EPHA6: variants seen among roughly 807,000 people sequenced by gnomAD.
The protein encoded by EPHA6 is ephrin type-A receptor 6.
A neutral mutation model predicts 112.0 loss-of-function variants in EPHA6; 50 were observed. The observed-to-expected ratio is 0.45, with a 90% CI of 0.36 to 0.56. The LOEUF is 0.56. Among genes scored for constraint, EPHA6 ranks in the 20% least tolerant of loss-of-function variants. EPHA6 has a pLI of 0.00. For missense variants in EPHA6, 1,280 were observed against 1,417.4 expected (o/e 0.90, Z 1.56); for synonymous variants, 529 against 490.7 (o/e 1.08, Z -1.03).
intron 3 of EPHA6, among the ~76,000 whole-genome samples, chr3:97,106,989 G>T (rs2047589358): frequency 1.3e-5 from 2 of 152,076 alleles, no homozygotes; most frequent in Admixed American, 1.3e-4. Context: ...GGTTACCAAA[G>T]AAACAAGTAT....
intron 5 of EPHA6, among the ~76,000 whole-genome samples, chr3:97,333,468 CTTTTTTTTTTT>C (rs869258362): frequency 1.3e-5 from 1 of 75,880 alleles, no homozygotes; most frequent in Admixed American, 1.5e-4. Flanking sequence ...TATGGCTTTT[CTTTTTTTTTTT>C]TTTTTTTTTT....
In EPHA6 at chr3:96,994,759, A is replaced by AGCGAGC. The variant is rs1553684576; in HGVS notation, c.1114+6767_1114+6768insCGAGCG. 5.2e-5 allele frequency among the ~76,000 whole-genome samples: 6 copies of AGCGAGC among 116,214 alleles called. 1 individual carries two copies. The highest frequency in any genetic ancestry group is 2.1e-4 in the African/African-American group (6 of 28,138). The allele number at this position is 116,214 out of a possible 152,430, so 76.2% of individuals were successfully genotyped here. A position where few individuals can be genotyped will look rare whatever the true frequency, so the allele number is the denominator to read the frequency against. ...GAGAGAGAGAGAGAGAGAGAGAGAGAGAGCTATATATATACCTACAGGCTG... is the reference window on the plus strand; with the variant it reads ...GAGAGAGAGAGAGAGAGAGAGAGAGAGCGAGCGAGCTATATATATACCTACAGGCTG... On this transcript the variant is annotated intron_variant, in intron 3 of 17. Transcript: ENST00000389672.
At position 97,429,096 on chromosome 3, in the gene EPHA6, AT is replaced by A. The variant is rs909888891; in HGVS notation, c.1732-19463del. 9.2e-5 allele frequency among the ~76,000 whole-genome samples: 14 copies of A among 151,630 alleles called. 1 individual carries two copies. The East Asian group carries it at 2.3e-3, about 25-fold the overall frequency. On this transcript the variant is annotated intron_variant, in intron 6 of 17. Coordinates refer to ENST00000389672, the MANE Select transcript of EPHA6 (RefSeq NM_001080448.3). The stretch of plus-strand genomic sequence containing the variant: ...AAAATCCAGACTTACACAAGCCATG[AT>A]TTTTTTTTCCATAACAACACATAAT...
intron 5 of EPHA6, among the ~76,000 whole-genome samples, chr3:97,254,814 C>G (rs184903912): frequency 1.3e-5 from 2 of 152,262 alleles, no homozygotes; most frequent in Admixed American, 1.3e-4. Context: ...TCACCTAAAA[C>G]CTTCCTGCAA....
intron 3 of EPHA6, among the ~76,000 whole-genome samples, chr3:97,110,530 A>G (rs980312555): frequency 6.6e-6 from 1 of 151,652 alleles, no homozygotes; most frequent in African/African-American, 2.4e-5. Flanking sequence ...TATATTATTT[A>G]TTTATTTATT....
chr3:97,281,843 A>G (rs1448961857), intron 5 of EPHA6, among the ~76,000 whole-genome samples: 2 of 152,196 alleles, frequency 1.3e-5, no homozygotes, highest in African/African-American at 4.8e-5. Flanking sequence ...GTCAGGGCCT[A>G]TAACTTTAAA....
intron 5 of EPHA6, among the ~76,000 whole-genome samples, chr3:97,360,992 CA>C (rs2084342320): frequency 1.3e-5 from 2 of 152,270 alleles, no homozygotes; most frequent in South Asian, 4.1e-4. Flanking sequence ...TCAATTCCAT[CA>C]ATTGGATGTG....
chr3:96,909,832 A>G (rs377332829), intron 2 of EPHA6, among the ~76,000 whole-genome samples: 21 of 152,078 alleles, frequency 1.4e-4, no homozygotes, highest in East Asian at 1.2e-3. Context: ...CAGAATTATA[A>G]ATGTTGGCTC....
chr3:97,359,288 C>T (rs1425748741), intron 5 of EPHA6, among the ~76,000 whole-genome samples: 4 of 152,118 alleles, frequency 2.6e-5, no homozygotes, highest in Middle Eastern at 3.4e-3. Context: ...TTCCATTGCC[C>T]TATCTTCAAG....
chr3:97,652,096 G>A (rs1237934143), intron 14 of EPHA6, among the ~76,000 whole-genome samples: 1 of 152,004 alleles, frequency 6.6e-6, no homozygotes, highest in Non-Finnish European at 1.5e-5. Context: ...CATACCTGCT[G>A]ACATTAAATC....
intron 2 of EPHA6, among the ~76,000 whole-genome samples, chr3:96,881,474 G>A (rs1267505457): frequency 6.6e-6 from 1 of 152,120 alleles, no homozygotes; most frequent in Non-Finnish European, 1.5e-5. Context: ...ACCGTATGGG[G>A]GAAACTGACT....
At chr3:97,594,938 A>C (rs1190922831) in intron 12 of EPHA6, among the ~76,000 whole-genome samples, 1 of 152,230 alleles carries the variant, frequency 6.6e-6, no homozygotes, top group Non-Finnish European at 1.5e-5. Flanking sequence ...CATTTTCTGT[A>C]TCAGTCAAGA....
chr3:97,214,052 A>G (rs1287122479), intron 3 of EPHA6, among the ~76,000 whole-genome samples: 1 of 148,320 alleles, frequency 6.7e-6, no homozygotes, highest in East Asian at 2.0e-4. Context: ...AGAGAGAGAG[A>G]GAGGGAGAGG....
At chr3:96,871,222 C>T (rs1219863806) in intron 2 of EPHA6, among the ~76,000 whole-genome samples, 2 of 152,000 alleles carry the variant, frequency 1.3e-5, no homozygotes, top group East Asian at 3.9e-4. Flanking sequence ...TCTTTAATAT[C>T]CATGTTTGTA....
intron 2 of EPHA6, among the ~76,000 whole-genome samples, chr3:96,912,719 C>T (rs1231788309): frequency 6.6e-6 from 1 of 152,056 alleles, no homozygotes; most frequent in Non-Finnish European, 1.5e-5. Flanking sequence ...TTCCAAGTAG[C>T]TAGGACTACA....
At position 97,592,631 on chromosome 3, in the gene EPHA6, G is replaced by A; in HGVS notation, c.2406G>A (p.Gly802=). The A allele has an allele frequency of 2.5e-6, 4 of 1,613,322 alleles. No homozygotes were observed. The East Asian group carries it at 8.9e-5, about 36-fold the overall frequency. Residue 802 remains glycine (G), a synonymous_variant, in exon 12 of 18, where the codon GGG becomes GGA. Transcript: ENST00000389672. ...TAAAAGGATCCTTCCCGGCCATTGG[G>A]GTGGAGGCGTTTTGCCCCAGCTTCC... is the stretch of plus-strand genomic sequence containing the variant. ...VVTKRSFPAI[G]VEAFCPSFLR...
intron 14 of EPHA6, among the ~76,000 whole-genome samples, chr3:97,717,199 C>A (rs1269156509): frequency 2.0e-5 from 3 of 147,676 alleles, no homozygotes. Flanking sequence ...CCATTGCACT[C>A]CAGCCTGGGC....
At chr3:97,431,756 G>T (rs1235594130) in intron 6 of EPHA6, among the ~76,000 whole-genome samples, 1 of 152,054 alleles carries the variant, frequency 6.6e-6, no homozygotes, top group Non-Finnish European at 1.5e-5. Context: ...AAGACCACCA[G>T]ATAGTTCTTT....
intron 4 of EPHA6, among the ~76,000 whole-genome samples, chr3:97,228,994 T>A (rs1172452087): frequency 2.6e-5 from 4 of 152,232 alleles, no homozygotes; most frequent in African/African-American, 9.6e-5. Flanking sequence ...TTTTTTCATA[T>A]GTCTGTTGGC....
Sources: gnomAD v4.1 joint callset for allele counts (sites outside exome capture counted in the v4.1 genomes callset) on GRCh38, gnomAD v4.1.1 for gene constraint, MANE v1.5 for transcripts, NCBI Gene and HGNC (gene_info 2026-07-23, HGNC 2026-07-21) for gene names.